CATSPERT: variants seen among roughly 807,000 people sequenced by gnomAD.
The protein encoded by CATSPERT is cation channel sperm-associated targeting subunit tau.
the CATSPERT span, among the ~76,000 whole-genome samples, chr2:201,490,484 G>A: frequency 2.6e-5 from 4 of 152,122 alleles, no homozygotes; most frequent in African/African-American, 9.7e-5. Context: ...TTTAGTCAGG[G>A]CTAAAATCCA....
At chr2:201,521,447 GAGAGAA>G in the CATSPERT span, among the ~76,000 whole-genome samples, 6 of 127,926 alleles carry the variant, frequency 4.7e-5, no homozygotes, top group African/African-American at 1.3e-4. Flanking sequence ...GAGAGAGAGA[GAGAGAA>G]AGAGACACAC....
the CATSPERT span, chr2:201,493,750 A>G: frequency 6.5e-7 from 1 of 1,537,162 alleles, no homozygotes. Flanking sequence ...TTGCCTCATA[A>G]TGTAGTCATG....
At chr2:201,495,334 C>T in the CATSPERT span, among the ~76,000 whole-genome samples, 1 of 152,026 alleles carries the variant, frequency 6.6e-6, no homozygotes, top group Non-Finnish European at 1.5e-5. Context: ...TTTCATCTTG[C>T]TTTTTGATGC....
the CATSPERT span, among the ~76,000 whole-genome samples, chr2:201,530,634 T>C: frequency 2.0e-5 from 3 of 152,292 alleles, no homozygotes; most frequent in East Asian, 5.8e-4. Flanking sequence ...TATAAATGGA[T>C]GAATCGGAGA....
the CATSPERT span, chr2:201,550,995 TA>T: frequency 2.3e-4 from 35 of 152,338 alleles, no homozygotes; most frequent in African/African-American, 7.7e-4. Context: ...TAACAGCCAG[TA>T]TTACAGCTGT....
At chr2:201,497,496 G>A in the CATSPERT span, among the ~76,000 whole-genome samples, 2 of 152,194 alleles carry the variant, frequency 1.3e-5, no homozygotes, top group African/African-American at 4.8e-5. Flanking sequence ...GAAAGAACAA[G>A]TAGTAGAAAA....
At chr2:201,577,832 A>G in the CATSPERT span, among the ~76,000 whole-genome samples, 2 of 152,198 alleles carry the variant, frequency 1.3e-5, no homozygotes, top group African/African-American at 2.4e-5. Flanking sequence ...AACGTATTGT[A>G]TATTTCAAAA....
the CATSPERT span, among the ~76,000 whole-genome samples, chr2:201,507,461 C>G: frequency 6.6e-6 from 1 of 151,934 alleles, no homozygotes; most frequent in Non-Finnish European, 1.5e-5. Context: ...TAGAACTTGC[C>G]AAGATGATTC....
At chr2:201,562,529 T>TA in the CATSPERT span, among the ~76,000 whole-genome samples, 9 of 150,580 alleles carry the variant, frequency 6.0e-5, no homozygotes, top group Non-Finnish European at 1.0e-4. Flanking sequence ...TTTATTTATT[T>TA]TTTTTATTGA....
At chr2:201,611,758 C>CTAG in the CATSPERT span, among the ~76,000 whole-genome samples, 1 of 151,778 alleles carries the variant, frequency 6.6e-6, no homozygotes, top group Non-Finnish European at 1.5e-5. Flanking sequence ...CAGATGAATG[C>CTAG]TAGTATCCCT....
chr2:201,581,591 T>C, the CATSPERT span, among the ~76,000 whole-genome samples: 2,329 of 45,286 alleles, frequency 0.051, 365 homozygotes, highest in East Asian at 0.21. Flanking sequence ...TATATATATA[T>C]ATACACATAC....
the CATSPERT span, among the ~76,000 whole-genome samples, chr2:201,564,038 G>A: frequency 6.6e-6 from 1 of 152,166 alleles, no homozygotes; most frequent in African/African-American, 2.4e-5. Context: ...GGCTTGTTGG[G>A]ATGAGAAGTC....
chr2:201,564,007 AG>A, the CATSPERT span, among the ~76,000 whole-genome samples: 1 of 152,208 alleles, frequency 6.6e-6, no homozygotes, highest in African/African-American at 2.4e-5. Flanking sequence ...CAACGATGTG[AG>A]AACAAAAACC....
chr2:201,566,607 G>A, the CATSPERT span, among the ~76,000 whole-genome samples: 12 of 151,628 alleles, frequency 7.9e-5, no homozygotes, highest in Admixed American at 5.3e-4. Flanking sequence ...GTCTATCATT[G>A]ATGGACATTT....
the CATSPERT span, among the ~76,000 whole-genome samples, chr2:201,502,037 C>T: frequency 6.4e-3 from 967 of 152,232 alleles, 9 homozygotes; most frequent in Non-Finnish European, 0.01. Context: ...CAGCTTAGAA[C>T]GGACATATAC....
chr2:201,592,988 C>A, the CATSPERT span, among the ~76,000 whole-genome samples: 37 of 152,026 alleles, frequency 2.4e-4, no homozygotes, highest in African/African-American at 8.4e-4. Context: ...TCCTTCAGTT[C>A]TGCTCTGATT....
At chr2:201,501,830 A>G in the CATSPERT span, among the ~76,000 whole-genome samples, 1 of 152,240 alleles carries the variant, frequency 6.6e-6, no homozygotes, top group South Asian at 2.1e-4. Context: ...CCAAACTACC[A>G]AAACTGACAC....
At chr2:201,558,441 C>T in the CATSPERT span, among the ~76,000 whole-genome samples, 2 of 152,226 alleles carry the variant, frequency 1.3e-5, no homozygotes. Flanking sequence ...GGAATGGAGA[C>T]ACACCTGCGG....
the CATSPERT span, among the ~76,000 whole-genome samples, chr2:201,516,813 G>A: frequency 2.0e-5 from 3 of 151,780 alleles, no homozygotes; most frequent in Non-Finnish European, 4.4e-5. Context: ...GAAGGGGTGG[G>A]GCACAGATGC....
Sources: allele counts gnomAD v4.1 joint callset (sites outside exome capture counted in the v4.1 genomes callset), GRCh38; gene constraint gnomAD v4.1.1; transcripts MANE v1.5; gene names NCBI Gene and HGNC (gene_info 2026-07-23, HGNC 2026-07-21).